Variants in MALRD1 observed in about 807,000 individuals in gnomAD.
MALRD1 encodes the protein MAM and LDL-receptor class A domain-containing protein 1.
Under a neutral mutation model 242.1 loss-of-function variants are expected in MALRD1, and 247 were observed. The ratio of observed to expected loss-of-function variants is 1.02; its 90% CI spans 0.92 to 1.13. MALRD1 has a LOEUF of 1.13. MALRD1 is among the 50% of genes most tolerant of loss of function. MALRD1 has a pLI of 0.00. For missense variants in MALRD1, 2,989 were observed against 2,533.1 expected (o/e 1.18, Z -3.86); for synonymous variants, 995 against 866.6 (o/e 1.15, Z -2.60).
chr10:19,352,375 A>G (rs968523737), intron 26 of MALRD1, 78 bp downstream of exon 26: 17 of 1,325,754 alleles, frequency 1.3e-5, no homozygotes, highest in Middle Eastern at 1.8e-4. Context: ...TGCAAAAGAA[A>G]TAGCATAAAC....
chr10:19,434,435 AT>A (rs1360079333), intron 28 of MALRD1, among the ~76,000 whole-genome samples: 1 of 152,044 alleles, frequency 6.6e-6, no homozygotes, highest in Non-Finnish European at 1.5e-5. Context: ...GTCTACAATG[AT>A]TTCATTTTAT....
chr10:19,280,518 C>G (rs1290152242), intron 20 of MALRD1, among the ~76,000 whole-genome samples: 3 of 152,140 alleles, frequency 2.0e-5, no homozygotes, highest in South Asian at 2.1e-4. Flanking sequence ...TCCATCCATT[C>G]CCTTTGATCT....
rs1051637069 is a variant in MALRD1 at position 19,377,017 on chromosome 10, C to T, written c.4442-10511C>T. Among the ~76,000 whole-genome samples, 3 of 152,236 alleles carry T rather than the reference C, an allele frequency of 2.0e-5. No homozygotes were observed. In the East Asian group the frequency reaches 5.8e-4, roughly 29 times the overall value. ...AGGAGAATGATTAAGGTAAAATAAA[C>T]ACTATGTGGTACAATTCTTAGAACA... On this transcript the variant is annotated intron_variant, in intron 26 of 39. Coordinates refer to ENST00000454679, the MANE Select transcript of MALRD1 (RefSeq NM_001142308.3).
chr10:19,329,195 T>C (rs1157335479), intron 23 of MALRD1, among the ~76,000 whole-genome samples: 1 of 152,212 alleles, frequency 6.6e-6, no homozygotes, highest in Admixed American at 6.5e-5. Flanking sequence ...TCTTCCATAT[T>C]AAGCACTTAC....
At chr10:19,326,021 T>A (rs941687597) in intron 22 of MALRD1, among the ~76,000 whole-genome samples, 1 of 129,630 alleles carries the variant, frequency 7.7e-6, no homozygotes, top group Admixed American at 8.1e-5. Context: ...ACATATTAAA[T>A]TTCATATCAA....
chr10:19,454,405 G>GATATATATATATATATACATATATATAT (rs1835510285), intron 29 of MALRD1, among the ~76,000 whole-genome samples: 1 of 80,558 alleles, frequency 1.2e-5, no homozygotes, highest in African/African-American at 5.5e-5. Context: ...TTATGCATAT[G>GATATATATATATATATACATATATATAT]ATATATATAT....
intron 11 of MALRD1, among the ~76,000 whole-genome samples, chr10:19,150,966 A>AT (rs1488567073): frequency 6.6e-6 from 1 of 152,056 alleles, no homozygotes; most frequent in Non-Finnish European, 1.5e-5. Flanking sequence ...AGACTTCTAT[A>AT]TTTTTTAAGC....
intron 33 of MALRD1, among the ~76,000 whole-genome samples, chr10:19,574,228 T>A (rs969208033): frequency 1.2e-4 from 18 of 152,232 alleles, no homozygotes; most frequent in African/African-American, 4.1e-4. Flanking sequence ...AGATGTAATC[T>A]CTTAAGCATA....
intron 32 of MALRD1, among the ~76,000 whole-genome samples, chr10:19,538,342 G>A (rs1420711600): frequency 1.3e-5 from 2 of 152,184 alleles, no homozygotes; most frequent in Admixed American, 1.3e-4. Context: ...GAAGGAATTA[G>A]AGAACAATGC....
chr10:19,561,877 T>C (rs1280785219), intron 32 of MALRD1, among the ~76,000 whole-genome samples: 4 of 152,178 alleles, frequency 2.6e-5, no homozygotes, highest in Non-Finnish European at 5.9e-5. Flanking sequence ...AGTTAAGCTC[T>C]CTTTAAATAG....
At chr10:19,285,493 C>T (rs1286385732) in intron 21 of MALRD1, among the ~76,000 whole-genome samples, 1 of 151,762 alleles carries the variant, frequency 6.6e-6, no homozygotes, top group East Asian at 1.9e-4. Flanking sequence ...TTCCCAGCAC[C>T]ATTTATTAAC....
In MALRD1 at chr10:19,352,114, G is replaced by A. The variant is rs758671291; in HGVS notation, c.4258G>A (p.Gly1420Ser). Residue 1420 changes from glycine to serine, a missense_variant, in exon 26 of 40, where the codon GGC (glycine) becomes AGC (serine). Physicochemically the swap from Gly to Ser is moderately conservative, Grantham distance 56. Coordinates refer to ENST00000454679, the MANE Select transcript of MALRD1 (RefSeq NM_001142308.3). ...KVLLNLTVEQ[G>S]NFWRREELSL... is the part of the protein sequence containing the mutation. ...TCTACTTAACCTCACTGTAGAACAA[G>A]GCAATTTCTGGCGGAGAGAAGAACT... 19 of 1,550,374 alleles carry A rather than the reference G, an allele frequency of 1.2e-5. No individual in the cohort carries two copies. The East Asian group carries it at 2.9e-4, about 24-fold the overall frequency.
chr10:19,513,750 A>C (rs1195968984), intron 31 of MALRD1, among the ~76,000 whole-genome samples: 1 of 151,496 alleles, frequency 6.6e-6, no homozygotes, highest in Non-Finnish European at 1.5e-5. Context: ...AAAGAAAAGA[A>C]AAAAAAAATT....
At chr10:19,406,194 T>A (rs1325863718) in intron 28 of MALRD1, among the ~76,000 whole-genome samples, 2 of 152,198 alleles carry the variant, frequency 1.3e-5, no homozygotes, top group Non-Finnish European at 2.9e-5. Context: ...TTTAACACAC[T>A]TTAGGTAAAG....
At chr10:19,444,058 T>C (rs575071962) in intron 28 of MALRD1, among the ~76,000 whole-genome samples, 1 of 152,236 alleles carries the variant, frequency 6.6e-6, no homozygotes, top group Non-Finnish European at 1.5e-5. Flanking sequence ...TTTATCGTTA[T>C]GTAATGGCCC....
intron 19 of MALRD1, among the ~76,000 whole-genome samples, chr10:19,267,205 A>G (rs890041079): frequency 8.6e-5 from 13 of 151,948 alleles, no homozygotes; most frequent in Non-Finnish European, 1.3e-4. Flanking sequence ...ATCAGCATGC[A>G]CATTAGAATT....
intron 32 of MALRD1, among the ~76,000 whole-genome samples, chr10:19,549,296 G>A (rs1220683038): frequency 6.6e-6 from 1 of 152,202 alleles, no homozygotes; most frequent in African/African-American, 2.4e-5. Flanking sequence ...GCAGCAGGTT[G>A]GAGGAGGATT....
At chr10:19,629,015 C>A (rs1839799397) in intron 36 of MALRD1, among the ~76,000 whole-genome samples, 3 of 152,232 alleles carry the variant, frequency 2.0e-5, no homozygotes, top group Middle Eastern at 3.4e-3. Flanking sequence ...CTCACCAAGC[C>A]TTCTTCCCTG....
chr10:19,408,171 G>A (rs1432183548), intron 28 of MALRD1, among the ~76,000 whole-genome samples: 1 of 152,164 alleles, frequency 6.6e-6, no homozygotes, highest in Admixed American at 6.5e-5. Context: ...TGGTCAACAG[G>A]CAGCAGGTGC....
Sources: allele counts gnomAD v4.1 joint callset (sites outside exome capture counted in the v4.1 genomes callset), GRCh38; gene constraint gnomAD v4.1.1; transcripts MANE v1.5; gene names NCBI Gene and HGNC (gene_info 2026-07-23, HGNC 2026-07-21).